LUC7L2: variants seen among roughly 807,000 people sequenced by gnomAD.
The protein encoded by LUC7L2 is LUC7 like 2, pre-mRNA splicing factor.
In LUC7L2, 25 loss-of-function variants were observed where a neutral mutation model predicts 52.8. That is an observed-to-expected ratio of 0.47 (90% CI 0.34 to 0.66). LUC7L2 has a LOEUF of 0.66. Among genes scored for constraint, LUC7L2 ranks in the 30% least tolerant of loss-of-function variants. LUC7L2 has a pLI of 0.01. For synonymous variants in LUC7L2, 144 were observed against 160.9 expected (o/e 0.89, Z 0.80); for missense variants, 328 against 497.8 (o/e 0.66, Z 3.25).
At chr7:139,396,391 C>T (rs1569384976) in intron 2 of LUC7L2, among the ~76,000 whole-genome samples, 1 of 152,028 alleles carries the variant, frequency 6.6e-6, no homozygotes, top group African/African-American at 2.4e-5. Context: ...TGCAGTGAGC[C>T]ATGATTATGC....
chr7:139,360,022 A>G lies in LUC7L2; in HGVS notation c.-240A>G. 1 of 510,084 alleles carries G rather than the reference A, an allele frequency of 2.0e-6. No homozygotes were observed. The highest frequency in any genetic ancestry group is 2.6e-5 in the South Asian group (1 of 38,958). The allele number at this position is 510,084 out of a possible 1,614,324, so 31.6% of individuals were successfully genotyped here. On this transcript the variant is annotated 5_prime_UTR_variant, in exon 1 of 10. Coordinates refer to ENST00000354926, the MANE Select transcript of LUC7L2 (RefSeq NM_016019.5). ...GTGTCGCTTCTGTCCCAAGAACCGGACGGAGAGTGAGGGCACGAGGGTCGC... is the reference window on the plus strand; with the variant it reads ...GTGTCGCTTCTGTCCCAAGAACCGGGCGGAGAGTGAGGGCACGAGGGTCGC...
At chr7:139,374,884 A>C in intron 1 of LUC7L2, 1 of 994,624 alleles carries the variant, frequency 1.0e-6, no homozygotes, top group Non-Finnish European at 1.2e-6. Context: ...TTACATGTGA[A>C]AATACAGAAA....
Position 139,388,310 on chromosome 7 carries a change from T to A in LUC7L2, c.157-10289T>A, listed in dbSNP as rs78582454. ...AATATTTCCTATGTTCTTAAGAAAA[T>A]TACAAAAAGGTAGAAAAATATCATG... is the stretch of plus-strand genomic sequence containing the variant. On this transcript the variant is annotated intron_variant, in intron 2 of 9. Coordinates refer to ENST00000354926, the MANE Select transcript of LUC7L2 (RefSeq NM_016019.5). Among the ~76,000 whole-genome samples, 525 of 152,098 alleles carry A rather than the reference T, an allele frequency of 3.5e-3. 3 individuals carry two copies. The highest frequency in any genetic ancestry group is 0.012 in the African/African-American group (507 of 41,494).
intron 1 of LUC7L2, chr7:139,340,525 C>T: frequency 5.0e-6 from 2 of 398,540 alleles, no homozygotes; most frequent in Admixed American, 4.4e-5. Context: ...AGGGTAAAGC[C>T]TTTGGCGCGG....
chr7:139,367,671 A>G (rs1023862737), intron 1 of LUC7L2, among the ~76,000 whole-genome samples: 18 of 152,204 alleles, frequency 1.2e-4, no homozygotes, highest in African/African-American at 3.9e-4. Flanking sequence ...TGTTTGAACT[A>G]TATATATACC....
chr7:139,380,667 GTCTC>G (rs1800967523), intron 2 of LUC7L2, among the ~76,000 whole-genome samples: 1 of 152,056 alleles, frequency 6.6e-6, no homozygotes, highest in Non-Finnish European at 1.5e-5. Context: ...TCATATTGTA[GTCTC>G]TCTCTTTTCC....
rs149777967 is a variant in LUC7L2, at chr7:139,360,545, C to T, written c.61+223C>T. Among the ~76,000 whole-genome samples, 9 of 152,216 alleles carry T rather than the reference C, an allele frequency of 5.9e-5. No homozygotes were observed. The East Asian group carries it at 1.7e-3, about 29-fold the overall frequency. ...GGGAACTGCTGCCAATGGGGTGAGG[C>T]GGGGCCTGGAGGCAGAAAGGAGAGT... On this transcript the variant is annotated intron_variant, in intron 1 of 9. Coordinates refer to ENST00000354926, the MANE Select transcript of LUC7L2 (RefSeq NM_016019.5).
In LUC7L2 at chr7:139,360,319, G is replaced by C. The variant is rs1371357440; in HGVS notation, c.58G>C (p.Asp20His). Residue 20 changes from aspartate (D) to histidine (H), a missense_variant, in exon 1 of 10, where the codon GAC (aspartate) becomes CAC (histidine). Asp to His is a moderately conservative substitution (Grantham distance 81, BLOSUM62 -1). This residue lies in a region of LUC7L2 where 133 missense variants were observed against 274.4 expected (regional missense o/e 0.48). Transcript: ENST00000354926. The stretch of plus-strand genomic sequence containing the variant: ...GGACCAGTTGATGGGCACCTCCCGG[G>C]ACGGTAAGTCTCTGCCAGGGCCCTG... ...MLDQLMGTSRDGDTTRQRIKF... is the reference protein window; with the variant it reads ...MLDQLMGTSRHGDTTRQRIKF... The C allele has an allele frequency of 6.4e-7, 1 of 1,567,592 alleles. No homozygotes were observed. The highest frequency in any genetic ancestry group is 1.2e-5 in the South Asian group (1 of 85,510).
At chr7:139,340,523 G>C (rs149131357) in intron 1 of LUC7L2, 1 of 398,420 alleles carries the variant, frequency 2.5e-6, no homozygotes, top group African/African-American at 2.1e-5. Context: ...CGAGGGTAAA[G>C]CCTTTGGCGC....
Position 139,360,119 on chromosome 7 carries a change from C to T in LUC7L2, c.-143C>T. ...AGTCCGGACTCTTCCCGCAACCCCTCCGGCTCCCTTTCCGCACGCCTCGAG... is the reference window on the plus strand; with the variant it reads ...AGTCCGGACTCTTCCCGCAACCCCTTCGGCTCCCTTTCCGCACGCCTCGAG... On this transcript the variant is annotated 5_prime_UTR_variant, in exon 1 of 10. Coordinates refer to ENST00000354926, the MANE Select transcript of LUC7L2 (RefSeq NM_016019.5). 1.6e-6 allele frequency: 1 copy of T among 609,618 alleles called. No individual in the cohort carries two copies. The highest frequency in any genetic ancestry group is 2.9e-6 in the Non-Finnish European group (1 of 350,480). The allele number at this position is 609,618 out of a possible 1,614,324, so 37.8% of individuals were successfully genotyped here.
intron 8 of LUC7L2, 190 bp downstream of exon 8, chr7:139,412,770 A>G: frequency 2.3e-6 from 1 of 431,568 alleles, no homozygotes; most frequent in Non-Finnish European, 4.0e-6. Context: ...GGTTGCAGTG[A>G]GCCAAGATAG....
intron 7 of LUC7L2, among the ~76,000 whole-genome samples, chr7:139,411,624 C>T (rs550394676): frequency 2.0e-5 from 3 of 150,428 alleles, no homozygotes; most frequent in African/African-American, 7.3e-5. Context: ...ATATATCATC[C>T]AAAAAAAAAT....
At chr7:139,371,021 G>T (rs1346840477) in intron 1 of LUC7L2, among the ~76,000 whole-genome samples, 1 of 152,156 alleles carries the variant, frequency 6.6e-6, no homozygotes, top group Non-Finnish European at 1.5e-5. Flanking sequence ...ATTTCAGAGG[G>T]AAGGAAACTG....
chr7:139,389,479 C>T (rs902561039), intron 2 of LUC7L2, among the ~76,000 whole-genome samples: 5 of 151,904 alleles, frequency 3.3e-5, no homozygotes, highest in African/African-American at 1.2e-4. Context: ...CTGTATTCTC[C>T]TCTTGAAGCA....
In LUC7L2 at chr7:139,382,469, C is replaced by G. The variant is rs559987579; in HGVS notation, c.156+6313C>G. On this transcript the variant is annotated intron_variant, in intron 2 of 9. Transcript: ENST00000354926. Reference sequence around the variant, plus strand: ...GCTATCTTAGCTCACTGCAACCTCTCCCTCCTGAGTTCGAGTGATTTTCCT... The same window carrying G: ...GCTATCTTAGCTCACTGCAACCTCTGCCTCCTGAGTTCGAGTGATTTTCCT... Among the ~76,000 whole-genome samples the G allele has an allele frequency of 5.3e-5, 8 of 151,758 alleles. No homozygotes were observed. In the South Asian group the frequency reaches 1.5e-3, roughly 28 times the overall value.
chr7:139,342,718 T>C (rs1049473054), intron 1 of LUC7L2, among the ~76,000 whole-genome samples: 1 of 152,170 alleles, frequency 6.6e-6, no homozygotes, highest in African/African-American at 2.4e-5. Flanking sequence ...TGCCTCGGCC[T>C]CCCAAAGTGT....
At chr7:139,340,491 G>T in exon 1 of LUC7L2, 1 of 398,590 alleles carries the variant, frequency 2.5e-6, no homozygotes. Flanking sequence ...CCCGTTCAAC[G>T]TCCGGAGCAT....
Position 139,409,569 on chromosome 7 carries a change from G to A in LUC7L2, c.694G>A (p.Val232Ile), listed in dbSNP as rs376122273. The A allele has an allele frequency of 2.6e-5, 42 of 1,608,378 alleles. No homozygotes were observed. The highest frequency in any genetic ancestry group is 3.4e-5 in the Non-Finnish European group (40 of 1,177,072). The stretch of plus-strand genomic sequence containing the variant: ...ATTTATTACTGTTTTTAAGAGAGTC[G>A]TAGCTGAGAAGCAGGAGAAAAGAAA... ...REKLEELKRV[V>I]AEKQEKRNQE... Residue 232 changes from valine (V) to isoleucine (I), a missense_variant, in exon 7 of 10, where the codon GTA (valine) becomes ATA (isoleucine). By Grantham distance (29) the Val-to-Ile change is conservative. Around this residue, in one of 2 missense-constraint regions of LUC7L2, gnomAD observed 195 missense variants for 223.3 expected, o/e 0.87. Transcript: ENST00000354926.
intron 8 of LUC7L2, chr7:139,416,618 T>A (rs1795633978): frequency 6.6e-6 from 1 of 152,124 alleles, no homozygotes; most frequent in Non-Finnish European, 1.5e-5. Context: ...CCTGTAGCCT[T>A]GACTTCCTGG....
Sources: allele counts gnomAD v4.1 joint callset (sites outside exome capture counted in the v4.1 genomes callset), GRCh38; gene constraint gnomAD v4.1.1; regional missense constraint gnomAD v4.1.1; transcripts MANE v1.5; gene names NCBI Gene and HGNC (gene_info 2026-07-23, HGNC 2026-07-21).